NEGR1: variants seen among roughly 807,000 people sequenced by gnomAD.
The protein encoded by NEGR1 is neuronal growth regulator 1, also known as IgLON family member 4.
Under a neutral mutation model 40.9 loss-of-function variants are expected in NEGR1, and 10 were observed. The ratio of observed to expected loss-of-function variants is 0.24; its 90% confidence interval spans 0.15 to 0.42. NEGR1 has a LOEUF of 0.42. NEGR1 is among the 10% of genes least tolerant of loss of function. NEGR1 has a pLI of 1.00. For synonymous variants in NEGR1, 185 were observed against 166.8 expected (o/e 1.11, Z -0.84); for missense variants, 352 against 438.9 (o/e 0.80, Z 1.77).
intron 1 of NEGR1, among the ~76,000 whole-genome samples, chr1:72,281,441 T>G (rs926153094): frequency 6.6e-6 from 1 of 151,856 alleles, no homozygotes; most frequent in Non-Finnish European, 1.5e-5. Flanking sequence ...TTTATGGAAA[T>G]AAGATTTATG....
chr1:71,414,311 T>G (rs1646341453), intron 6 of NEGR1, among the ~76,000 whole-genome samples: 1 of 152,188 alleles, frequency 6.6e-6, no homozygotes. Flanking sequence ...AAATCCTCTC[T>G]GAAGCAATAT....
At chr1:72,112,143 A>AACAT (rs1649395775) in intron 1 of NEGR1, among the ~76,000 whole-genome samples, 1 of 151,788 alleles carries the variant, frequency 6.6e-6, no homozygotes, top group African/African-American at 2.4e-5. Flanking sequence ...TAACATAAAG[A>AACAT]AACCTATTTA....
intron 1 of NEGR1, among the ~76,000 whole-genome samples, chr1:72,118,078 T>G (rs1458929133): frequency 6.6e-6 from 1 of 151,822 alleles, no homozygotes; most frequent in Non-Finnish European, 1.5e-5. Context: ...ATATAATTTT[T>G]GGGGACAAGA....
At chr1:71,625,289 C>G (rs778367871) in intron 4 of NEGR1, among the ~76,000 whole-genome samples, 8 of 151,540 alleles carry the variant, frequency 5.3e-5, no homozygotes, top group Non-Finnish European at 1.2e-4. Flanking sequence ...CATGAATACA[C>G]ACAGACACAC....
At chr1:71,647,758 G>A (rs775845355) in intron 4 of NEGR1, among the ~76,000 whole-genome samples, 7 of 151,876 alleles carry the variant, frequency 4.6e-5, no homozygotes, top group Non-Finnish European at 1.0e-4. Context: ...AAGAAACCAG[G>A]AATTGAACAC....
chr1:71,472,669 C>T (rs947191433), intron 6 of NEGR1: 15 of 152,064 alleles, frequency 9.9e-5, no homozygotes, highest in African/African-American at 3.6e-4. Context: ...TTTCCTTACA[C>T]TGTATGATAG....
chr1:71,505,699 A>G (rs535355225), intron 6 of NEGR1, among the ~76,000 whole-genome samples: 2 of 152,286 alleles, frequency 1.3e-5, no homozygotes, highest in South Asian at 4.1e-4. Context: ...TTTGCCTTTA[A>G]ATGGGAAAAA....
chr1:72,070,457 A>G (rs1481181259), intron 1 of NEGR1, among the ~76,000 whole-genome samples: 1 of 152,028 alleles, frequency 6.6e-6, no homozygotes, highest in East Asian at 1.9e-4. Context: ...TTCATGTTTA[A>G]TACTATAATT....
intron 2 of NEGR1, among the ~76,000 whole-genome samples, chr1:71,911,787 T>C (rs988550564): frequency 6.6e-6 from 1 of 152,184 alleles, no homozygotes; most frequent in Non-Finnish European, 1.5e-5. Context: ...GACTGAACAG[T>C]AAGAAATTTA....
At chr1:72,140,652 A>T (rs1260717287) in intron 1 of NEGR1, among the ~76,000 whole-genome samples, 2 of 151,878 alleles carry the variant, frequency 1.3e-5, no homozygotes, top group Non-Finnish European at 2.9e-5. Context: ...CAATATAAAA[A>T]TTTTTTCTTT....
chr1:72,219,747 A>G (rs1200272075), intron 1 of NEGR1, among the ~76,000 whole-genome samples: 1 of 152,086 alleles, frequency 6.6e-6, no homozygotes, highest in East Asian at 1.9e-4. Flanking sequence ...TGTTGTTATG[A>G]TTAGGTTAAT....
intron 6 of NEGR1, among the ~76,000 whole-genome samples, chr1:71,450,961 C>T (rs1004853979): frequency 3.9e-5 from 6 of 152,052 alleles, no homozygotes; most frequent in African/African-American, 1.4e-4. Flanking sequence ...ATAGTGTAGC[C>T]TCCTCATTGT....
intron 6 of NEGR1, among the ~76,000 whole-genome samples, chr1:71,566,179 C>G (rs1354145004): frequency 6.6e-6 from 1 of 151,936 alleles, no homozygotes. Context: ...TTTGAACCAC[C>G]CAGTTTGTAG....
At chr1:72,245,986 ATTAT>A (rs1479870431) in intron 1 of NEGR1, among the ~76,000 whole-genome samples, 1 of 152,136 alleles carries the variant, frequency 6.6e-6, no homozygotes, top group Admixed American at 6.6e-5. Context: ...CTAAATATTA[ATTAT>A]TTAATACTCT....
intron 1 of NEGR1, among the ~76,000 whole-genome samples, chr1:71,981,049 C>T (rs1173581911): frequency 4.6e-5 from 7 of 152,120 alleles, no homozygotes; most frequent in African/African-American, 1.7e-4. Flanking sequence ...AAACCAAATG[C>T]TTAATATTTT....
intron 6 of NEGR1, among the ~76,000 whole-genome samples, chr1:71,493,070 A>G (rs1646939946): frequency 6.6e-6 from 1 of 152,084 alleles, no homozygotes; most frequent in Non-Finnish European, 1.5e-5. Flanking sequence ...CTAGCCATAT[A>G]CTAAGTTCTG....
At chr1:71,549,686 T>C (rs1648013119) in intron 6 of NEGR1, among the ~76,000 whole-genome samples, 1 of 151,702 alleles carries the variant, frequency 6.6e-6, no homozygotes. Context: ...AGCCCCATGC[T>C]CTTAAGCAAT....
chr1:71,442,942 C>T (rs1424707108), intron 6 of NEGR1, among the ~76,000 whole-genome samples: 1 of 152,150 alleles, frequency 6.6e-6, no homozygotes, highest in Non-Finnish European at 1.5e-5. Context: ...GTTCTAGACT[C>T]TAGTGTGTTT....
At chr1:71,749,259 C>A (rs1391899240) in intron 3 of NEGR1, among the ~76,000 whole-genome samples, 2 of 152,076 alleles carry the variant, frequency 1.3e-5, no homozygotes, top group Non-Finnish European at 2.9e-5. Flanking sequence ...TTAGTGTAAT[C>A]TTGAATAAAA....
Sources: gnomAD v4.1 joint callset for allele counts (sites outside exome capture counted in the v4.1 genomes callset) on GRCh38, gnomAD v4.1.1 for gene constraint, MANE v1.5 for transcripts, NCBI Gene and HGNC (gene_info 2026-07-23, HGNC 2026-07-21) for gene names.